The following OLFM4 variants were observed in gnomAD, a reference collection of about 807,000 sequenced individuals.
The protein encoded by OLFM4 is olfactomedin-4.
In OLFM4, 22 loss-of-function variants were observed where a neutral mutation model predicts 25.5. The observed-to-expected ratio is 0.86, with a 90% confidence interval of 0.62 to 1.23. OLFM4 has a LOEUF of 1.23. Ranked by LOEUF, OLFM4 falls within the 50% of genes most tolerant of loss-of-function variation. OLFM4 has a pLI of 0.00. For synonymous variants in OLFM4, 255 were observed against 237.7 expected (o/e 1.07, Z -0.67); for missense variants, 594 against 619.4 (o/e 0.96, Z 0.44).
rs1161906346 is a variant in OLFM4, at chr13:53,035,370, A to T, written c.357+870A>T. ...TATGTATTAATGGGGTACATGAGAT[A>T]CCCTGAGACAGGCATGCAATGCGTA... On this transcript the variant is annotated intron_variant, in intron 2 of 4. Coordinates refer to ENST00000219022, the MANE Select transcript of OLFM4 (RefSeq NM_006418.5). 2.0e-5 allele frequency among the ~76,000 whole-genome samples: 3 copies of T among 152,018 alleles called. No homozygotes were observed. In the East Asian group the frequency reaches 5.8e-4, roughly 29 times the overall value.
chr13:53,050,196 G>C lies in OLFM4; in HGVS notation c.958G>C (p.Glu320Gln). The part of the protein sequence containing the change: ...DDLLLYINAR[E>Q]LRITYGQGSG... ...TTTGCTATTGTATATAAATGCTCGA[G>C]AGTTGCGGATCACCTATGGCCAAGG... is the stretch of plus-strand genomic sequence containing the variant. Residue 320 changes from glutamate to glutamine, a missense_variant, in exon 5 of 5, where the codon GAG (glutamate) becomes CAG (glutamine). Coordinates refer to ENST00000219022, the MANE Select transcript of OLFM4 (RefSeq NM_006418.5). 1 of 1,614,012 alleles carries C rather than the reference G, an allele frequency of 6.2e-7. No homozygotes were observed. Among genetic ancestry groups the C allele is most frequent in the Non-Finnish European group, 8.5e-7 (1 of 1,179,958 alleles).
intron 1 of OLFM4, among the ~76,000 whole-genome samples, chr13:53,029,509 C>T (rs1271170984): frequency 1.3e-5 from 2 of 152,168 alleles, no homozygotes; most frequent in African/African-American, 4.8e-5. Flanking sequence ...TGCTGCCTGG[C>T]AGGATCCCGG....
intron 3 of OLFM4, among the ~76,000 whole-genome samples, chr13:53,042,518 A>G (rs1269476826): frequency 6.6e-6 from 1 of 152,218 alleles, no homozygotes; most frequent in Admixed American, 6.5e-5. Context: ...TAAAATTGCT[A>G]GGTTTGTTTC....
In OLFM4 at chr13:53,043,196, C is replaced by A. The variant is rs770516311; in HGVS notation, c.662C>A (p.Thr221Asn). ...CGCCGAGAAATCGTGGCTCTGAAGA[C>A]CAAGCTGAAAGAGTGTGAGGCCTCT... is the stretch of plus-strand genomic sequence containing the variant. ...AIRREIVALK[T>N]KLKECEASKD... Residue 221 changes from threonine to asparagine, a missense_variant, in exon 4 of 5, where the codon ACC becomes AAC. Coordinates refer to ENST00000219022, the MANE Select transcript of OLFM4 (RefSeq NM_006418.5). 4 of 1,613,352 alleles carry A rather than the reference C, an allele frequency of 2.5e-6. No homozygotes were observed. The highest frequency in any genetic ancestry group is 1.6e-4 in the Middle Eastern group (1 of 6,082).
chr13:53,050,363 T>A lies in OLFM4; in HGVS notation c.1125T>A (p.Tyr375Ter). 1 of 1,614,096 alleles carries A rather than the reference T, an allele frequency of 6.2e-7. No homozygotes were observed. The highest frequency in any genetic ancestry group is 8.5e-7 in the Non-Finnish European group (1 of 1,179,966). Residue 375 changes from tyrosine to a stop codon, truncating the protein, a stop_gained, in exon 5 of 5, where the codon TAT becomes TAA. Coordinates refer to ENST00000219022, the MANE Select transcript of OLFM4 (RefSeq NM_006418.5). LOFTEE classifies it high-confidence loss of function. ...PNAAYNNRFS[Y>*]ANVAWQDIDF... ...CTGCCTATAATAACCGCTTTTCATA[T>A]GCTAATGTTGCTTGGCAAGATATTG...
intron 3 of OLFM4, among the ~76,000 whole-genome samples, chr13:53,042,331 G>C (rs1954692340): frequency 6.6e-6 from 1 of 152,160 alleles, no homozygotes; most frequent in Non-Finnish European, 1.5e-5. Context: ...GCTGACTTAG[G>C]AGCAGATGTT....
chr13:53,029,935 C>T (rs145370326), intron 1 of OLFM4, among the ~76,000 whole-genome samples: 2,388 of 152,204 alleles, frequency 0.016, 48 homozygotes, highest in Admixed American at 0.041. Flanking sequence ...ATTCATTTCA[C>T]TCTGGGCCTT....
intron 4 of OLFM4, among the ~76,000 whole-genome samples, chr13:53,046,795 A>AT (rs1353379341): frequency 2.6e-5 from 4 of 152,164 alleles, no homozygotes; most frequent in African/African-American, 4.8e-5. Context: ...CAGAGTTGGT[A>AT]TTATTTTTCT....
intron 4 of OLFM4, among the ~76,000 whole-genome samples, chr13:53,045,056 A>T (rs903575146): frequency 6.6e-6 from 1 of 152,210 alleles, no homozygotes; most frequent in Admixed American, 6.5e-5. Flanking sequence ...CTGAGGCCAC[A>T]CAAGTAGTTA....
chr13:53,050,993 A>G lies in OLFM4; in HGVS notation c.*222A>G. 2.0e-6 allele frequency: 1 copy of G among 506,484 alleles called. No homozygotes were observed. Among genetic ancestry groups the G allele is most frequent in the Non-Finnish European group, 3.4e-6 (1 of 291,806 alleles). 31.4% of individuals were successfully genotyped at this position (506,484 alleles called of 1,614,324 possible). ...GCGCATTTTGCAATAAAGTCTGTCT[A>G]GGGTGGGATTGTCAGAGGTCTAGGG... On this transcript the variant is annotated 3_prime_UTR_variant, in exon 5 of 5. Coordinates refer to ENST00000219022, the MANE Select transcript of OLFM4 (RefSeq NM_006418.5).
chr13:53,049,919 C>T, intron 4 of OLFM4, 50 bp from the exon 5 acceptor site: 1 of 1,501,016 alleles, frequency 6.7e-7, no homozygotes, highest in Non-Finnish European at 9.0e-7. Context: ...TATTTGTATC[C>T]TGTCATTCCT....
chr13:53,051,581 A>T lies in OLFM4; in HGVS notation c.*810A>T, dbSNP rs1053105891. On this transcript the variant is annotated 3_prime_UTR_variant, in exon 5 of 5. Transcript: ENST00000219022. The stretch of plus-strand genomic sequence containing the variant: ...CCCCTTCTACTGCCTACTTTAAAAA[A>T]ATTAATAGTTTTCTATGGAACTGAT... The T allele has an allele frequency of 1.3e-5, 2 of 152,188 alleles. No individual in the cohort carries two copies. The highest frequency in any genetic ancestry group is 2.1e-4 in the South Asian group (1 of 4,828). The allele number at this position is 152,188 out of a possible 1,614,324, so 9.4% of individuals were successfully genotyped here. A position where few individuals can be genotyped will look rare whatever the true frequency, so the allele number is the denominator to read the frequency against.
rs189816934 is a variant in OLFM4 at position 53,051,946 on chromosome 13, C to G, written c.*1175C>G. 4.0e-4 allele frequency: 61 copies of G among 152,094 alleles called. 1 individual carries two copies. The highest frequency in any genetic ancestry group is 2.0e-3 in the Admixed American group (31 of 15,288). 9.4% of individuals were successfully genotyped at this position (152,094 alleles called of 1,614,324 possible). On this transcript the variant is annotated 3_prime_UTR_variant, in exon 5 of 5. Transcript: ENST00000219022. Reference sequence around the variant, plus strand: ...CTGTGCTTTTGAATGACTTTATCATCTAGTCTTTGTCTATTTTTCCTTTGA... The same window carrying G: ...CTGTGCTTTTGAATGACTTTATCATGTAGTCTTTGTCTATTTTTCCTTTGA...
intron 3 of OLFM4, 98 bp downstream of exon 3, chr13:53,042,220 C>T: frequency 1.0e-6 from 1 of 1,002,412 alleles, no homozygotes. Flanking sequence ...TCTCTTCCAA[C>T]TTCTAATTCT....
chr13:53,042,445 G>A (rs1364165619), intron 3 of OLFM4, among the ~76,000 whole-genome samples: 2 of 152,182 alleles, frequency 1.3e-5, no homozygotes, highest in African/African-American at 4.8e-5. Context: ...GCTATATGAG[G>A]TGTCTTCTCT....
At chr13:53,029,792 G>A (rs1194624106) in intron 1 of OLFM4, among the ~76,000 whole-genome samples, 1 of 152,212 alleles carries the variant, frequency 6.6e-6, no homozygotes, top group African/African-American at 2.4e-5. Context: ...TTACAACGAG[G>A]CTGGTACAGC....
intron 2 of OLFM4, among the ~76,000 whole-genome samples, chr13:53,041,169 C>T (rs570107325): frequency 3.9e-5 from 6 of 152,138 alleles, no homozygotes; most frequent in South Asian, 2.1e-4. Context: ...GATACATGGG[C>T]GTGTGTGTAC....
chr13:53,050,701 A>G lies in OLFM4; in HGVS notation c.1463A>G (p.Gln488Arg), dbSNP rs772954219. ...AGCATTAACTATAACCCTTTTGACCAGAAACTTTATGTCTATAACGATGGT... is the reference window on the plus strand; with the variant it reads ...AGCATTAACTATAACCCTTTTGACCGGAAACTTTATGTCTATAACGATGGT... ...VQSINYNPFD[Q>R]KLYVYNDGYL... Residue 488 changes from glutamine to arginine, a missense_variant, in exon 5 of 5, where the codon CAG becomes CGG. By Grantham distance (43) the Gln-to-Arg change is conservative (BLOSUM62 1). Coordinates refer to ENST00000219022, the MANE Select transcript of OLFM4 (RefSeq NM_006418.5). 9 of 1,613,458 alleles carry G rather than the reference A, an allele frequency of 5.6e-6. No homozygotes were observed. Among genetic ancestry groups the G allele is most frequent in the East Asian group, 2.2e-5 (1 of 44,866 alleles).
intron 1 of OLFM4, among the ~76,000 whole-genome samples, chr13:53,029,738 C>A (rs1007335110): frequency 1.3e-5 from 2 of 152,182 alleles, no homozygotes; most frequent in Admixed American, 6.5e-5. Flanking sequence ...ATTTCCAGCT[C>A]CAAACAACAG....
Sources: allele counts gnomAD v4.1 joint callset (sites outside exome capture counted in the v4.1 genomes callset), GRCh38; gene constraint gnomAD v4.1.1; transcripts MANE v1.5; gene names NCBI Gene and HGNC (gene_info 2026-07-23, HGNC 2026-07-21).